The following TASP1 variants were observed in gnomAD, a reference collection of about 807,000 sequenced individuals.
TASP1 encodes threonine aspartase 1.
TASP1 carries 16 observed loss-of-function variants against 56.6 expected under a neutral mutation model. The ratio of observed to expected loss-of-function variants is 0.28; its 90% CI spans 0.19 to 0.43. The LOEUF (loss-of-function observed/expected upper bound fraction) is 0.43. Ranked by LOEUF, TASP1 falls within the 20% of genes least tolerant of loss-of-function variation. The probability of loss-of-function intolerance (pLI) is 1.00; values close to 1 mark genes in which losing one functional copy is unlikely to be tolerated. For synonymous variants in TASP1, 179 were observed against 184.2 expected (o/e 0.97, Z 0.23); for missense variants, 393 against 511.6 (o/e 0.77, Z 2.24).
intron 4 of TASP1, chr20:13,614,560 AT>A (rs1395011974): frequency 5.3e-5 from 9 of 168,394 alleles, no homozygotes; most frequent in African/African-American, 1.9e-4. Flanking sequence ...TATTTAAAAT[AT>A]TTTCACAAAA....
At chr20:13,498,029 G>A (rs1369465046) in intron 10 of TASP1, among the ~76,000 whole-genome samples, 3 of 151,946 alleles carry the variant, frequency 2.0e-5, no homozygotes, top group Admixed American at 2.0e-4. Flanking sequence ...GAAAACCTAG[G>A]AAATACCATC....
the TASP1 span, among the ~76,000 whole-genome samples, chr20:13,373,895 C>G: frequency 6.6e-6 from 1 of 151,958 alleles, no homozygotes; most frequent in East Asian, 1.9e-4. Flanking sequence ...AGTTTATTTA[C>G]GGGTGTTCCA....
At chr20:13,405,345 A>C (rs2041877121) in intron 13 of TASP1, among the ~76,000 whole-genome samples, 2 of 152,224 alleles carry the variant, frequency 1.3e-5, no homozygotes, top group East Asian at 1.9e-4. Context: ...AAATACATAC[A>C]TCAGGAGATA....
At chr20:13,272,197 A>C in the TASP1 span, among the ~76,000 whole-genome samples, 45 of 152,240 alleles carry the variant, frequency 3.0e-4, no homozygotes, top group Admixed American at 6.5e-4. Context: ...CTGAACTTGG[A>C]CTCAGACCAA....
intron 10 of TASP1, among the ~76,000 whole-genome samples, chr20:13,492,141 A>G (rs6042168): frequency 1.3e-3 from 199 of 152,306 alleles, no homozygotes; most frequent in African/African-American, 4.1e-3. Context: ...AAAAGCTCAC[A>G]TTCAGTACCC....
At chr20:13,349,057 G>T in the TASP1 span, among the ~76,000 whole-genome samples, 1 of 152,154 alleles carries the variant, frequency 6.6e-6, no homozygotes, top group Non-Finnish European at 1.5e-5. Context: ...CCAGTGGTGG[G>T]AGGATGATTT....
At chr20:13,127,346 C>G in the TASP1 span, among the ~76,000 whole-genome samples, 1 of 152,184 alleles carries the variant, frequency 6.6e-6, no homozygotes, top group Non-Finnish European at 1.5e-5. Flanking sequence ...ATGTCACACA[C>G]CAGAGGGGAT....
intron 7 of TASP1, among the ~76,000 whole-genome samples, chr20:13,563,666 T>C (rs1347995072): frequency 1.3e-5 from 2 of 149,092 alleles, no homozygotes; most frequent in African/African-American, 2.5e-5. Context: ...AGCCATATGA[T>C]CTTTTTTTTT....
At chr20:13,630,180 AC>A in intron 1 of TASP1, 28 bp from the exon 2 acceptor site, 5 of 1,273,762 alleles carry the variant, frequency 3.9e-6, no homozygotes, top group Non-Finnish European at 4.2e-6. Context: ...AAGATGGTAT[AC>A]ATTTCTTTCC....
chr20:13,176,852 C>G, the TASP1 span, among the ~76,000 whole-genome samples: 1 of 152,082 alleles, frequency 6.6e-6, no homozygotes, highest in African/African-American at 2.4e-5. Flanking sequence ...AAGTTTATCC[C>G]ACGTACAATC....
chr20:13,520,575 G>A (rs1402520822), intron 10 of TASP1, among the ~76,000 whole-genome samples: 1 of 152,162 alleles, frequency 6.6e-6, no homozygotes, highest in Non-Finnish European at 1.5e-5. Flanking sequence ...GCCGTATGTA[G>A]AAGGCTGAAA....
intron 7 of TASP1, among the ~76,000 whole-genome samples, chr20:13,562,598 C>T (rs1191197439): frequency 6.6e-6 from 1 of 151,780 alleles, no homozygotes; most frequent in Non-Finnish European, 1.5e-5. Flanking sequence ...TATTATAGGC[C>T]AGGCACAGTG....
At position 13,390,011 on chromosome 20, in the gene TASP1, G is replaced by C. The variant is rs1289318357; in HGVS notation, c.*349C>G. 1 of 196,420 alleles carries C rather than the reference G, an allele frequency of 5.1e-6. No homozygotes were observed. Among genetic ancestry groups the C allele is most frequent in the African/African-American group, 2.4e-5 (1 of 42,524 alleles). 12.2% of individuals were successfully genotyped at this position (196,420 alleles called of 1,614,324 possible). On this transcript the variant is annotated 3_prime_UTR_variant, in exon 14 of 14. Transcript: ENST00000337743. The stretch of plus-strand genomic sequence containing the variant: ...ATAAAAAATGTTTCCTGCAACTTTA[G>C]GTTTTACTTGTAAACAGTTAAAGCA...
chr20:13,279,936 G>T, the TASP1 span: 19 of 1,587,110 alleles, frequency 1.2e-5, no homozygotes, highest in East Asian at 3.6e-4. Context: ...TTGGTGGGAA[G>T]AATAAACGAG....
At chr20:13,430,292 CTTA>C (rs748986058) in intron 12 of TASP1, among the ~76,000 whole-genome samples, 4 of 152,152 alleles carry the variant, frequency 2.6e-5, no homozygotes, top group Non-Finnish European at 5.9e-5. Flanking sequence ...ACAGCAAACA[CTTA>C]TTATCTCAGT....
chr20:13,214,582 G>GAA, the TASP1 span, among the ~76,000 whole-genome samples: 19 of 151,958 alleles, frequency 1.3e-4, no homozygotes, highest in African/African-American at 4.6e-4. Flanking sequence ...GAGAGAGAGA[G>GAA]AGAGAGACAG....
intron 8 of TASP1, among the ~76,000 whole-genome samples, chr20:13,552,633 C>T (rs2046017407): frequency 6.6e-6 from 1 of 152,038 alleles, no homozygotes; most frequent in Non-Finnish European, 1.5e-5. Context: ...AGACTGGCAG[C>T]TATGTGGTGA....
chr20:13,506,310 C>T (rs550495398), intron 10 of TASP1, among the ~76,000 whole-genome samples: 16 of 152,234 alleles, frequency 1.1e-4, no homozygotes, highest in Middle Eastern at 3.4e-3. Context: ...CTGAGTTCTA[C>T]CAAACATTTA....
At chr20:13,532,196 G>A (rs1264636425) in intron 9 of TASP1, among the ~76,000 whole-genome samples, 2 of 152,176 alleles carry the variant, frequency 1.3e-5, no homozygotes, top group Non-Finnish European at 2.9e-5. Context: ...GTGAGCCACT[G>A]CGCCTGGCCT....
Sources: gnomAD v4.1 joint callset for allele counts (sites outside exome capture counted in the v4.1 genomes callset) on GRCh38, gnomAD v4.1.1 for gene constraint, MANE v1.5 for transcripts, NCBI Gene and HGNC (gene_info 2026-07-23, HGNC 2026-07-21) for gene names.